Variants in KLHDC1 observed in about 807,000 individuals in gnomAD.
KLHDC1 encodes kelch domain-containing protein 1.
Under a neutral mutation model 68.3 loss-of-function variants are expected in KLHDC1, and 53 were observed. The observed-to-expected ratio is 0.78, with a 90% confidence interval of 0.62 to 0.98. The LOEUF (loss-of-function observed/expected upper bound fraction) is 0.98, where lower values mean the gene tolerates loss of function less well. Among genes scored for constraint, KLHDC1 ranks in the 50% least tolerant of loss-of-function variants. The pLI is 0.00. For missense variants in KLHDC1, 470 were observed against 492.3 expected (o/e 0.95, Z 0.43); for synonymous variants, 148 against 159.0 (o/e 0.93, Z 0.52).
At position 49,724,463 on chromosome 14, in the gene KLHDC1, A is replaced by G. The variant is rs1888615276; in HGVS notation, c.483+511A>G. ...TTTTAAACAGATAATTTAAAAAACCATTGATCCTACCACCAAGATGCAGTC... is the reference window on the plus strand; with the variant it reads ...TTTTAAACAGATAATTTAAAAAACCGTTGATCCTACCACCAAGATGCAGTC... On this transcript the variant is annotated intron_variant, in intron 5 of 12. Transcript: ENST00000359332. Among the ~76,000 whole-genome samples, 7 of 152,220 alleles carry G rather than the reference A, an allele frequency of 4.6e-5. No homozygotes were observed. The South Asian group carries it at 1.5e-3, about 32-fold the overall frequency.
intron 10 of KLHDC1, among the ~76,000 whole-genome samples, chr14:49,736,129 C>G (rs1375431302): frequency 3.3e-5 from 5 of 152,118 alleles, no homozygotes; most frequent in Non-Finnish European, 7.4e-5. Context: ...GCATTATAGA[C>G]CAAAGTATTA....
chr14:49,704,437 C>A (rs7161559), intron 1 of KLHDC1, among the ~76,000 whole-genome samples: 127,685 of 134,416 alleles, frequency 0.95, 61,071 homozygotes, highest in East Asian at 1. Context: ...TTTGTCGCCC[C>A]GGCTGGAGTG....
chr14:49,728,833 TA>T, intron 6 of KLHDC1, 92 bp from the exon 7 acceptor site: 1 of 876,184 alleles, frequency 1.1e-6, no homozygotes, highest in Non-Finnish European at 1.9e-6. Context: ...AATGATAACT[TA>T]GTGATTAAGA....
At chr14:49,748,483 A>C (rs1889249293) in intron 12 of KLHDC1, among the ~76,000 whole-genome samples, 1 of 152,142 alleles carries the variant, frequency 6.6e-6, no homozygotes, top group Non-Finnish European at 1.5e-5. Flanking sequence ...CAGGTTTGGG[A>C]GGGGAGATAA....
chr14:49,746,754 G>C lies in KLHDC1; in HGVS notation c.1034+2949G>C, dbSNP rs1415246684. 1.3e-5 allele frequency among the ~76,000 whole-genome samples: 2 copies of C among 152,128 alleles called. 1 individual carries two copies. Among genetic ancestry groups the C allele is most frequent in the African/African-American group, 4.8e-5 (2 of 41,412 alleles). On this transcript the variant is annotated intron_variant, in intron 12 of 12. Coordinates refer to ENST00000359332, the MANE Select transcript of KLHDC1 (RefSeq NM_172193.3). The stretch of plus-strand genomic sequence containing the variant: ...CAGTCCCTTTTCTTGACTGATTTTA[G>C]CATCTGTGTGGAGAACTCTTTTCAT...
At chr14:49,718,779 T>C (rs997901666) in intron 4 of KLHDC1, among the ~76,000 whole-genome samples, 7 of 133,952 alleles carry the variant, frequency 5.2e-5, no homozygotes, top group African/African-American at 1.4e-4. Flanking sequence ...CTTTTTTTTT[T>C]TTTTTTTTTT....
Position 49,728,625 on chromosome 14 carries a change from A to T in KLHDC1, c.568-301A>T, listed in dbSNP as rs977507070. ...AGAGAACATTTTAAAATTTGATTTT[A>T]AAATCTTTATACAGTATTTCAAACA... On this transcript the variant is annotated intron_variant, in intron 6 of 12. Coordinates refer to ENST00000359332, the MANE Select transcript of KLHDC1 (RefSeq NM_172193.3). Among the ~76,000 whole-genome samples, 3 of 152,236 alleles carry T rather than the reference A, an allele frequency of 2.0e-5. 1 individual carries two copies. In the South Asian group the frequency reaches 6.2e-4, roughly 31 times the overall value.
chr14:49,729,548 G>C lies in KLHDC1; in HGVS notation c.710G>C (p.Arg237Thr). The stretch of plus-strand genomic sequence containing the variant: ...CTAGACACCTGGACTTGGTCTGGAA[G>C]GTAAGTTTGAAGTCTAAGTACGTTT... ...LNLDTWTWSG[R>T]ITINGESPKH... The change falls in exon 8 of 13, where the codon AGG becomes ACG. Residue 237 changes from arginine to threonine, a missense_variant and splice_region_variant. Transcript: ENST00000359332. 6.2e-7 allele frequency: 1 copy of C among 1,600,590 alleles called. No homozygotes were observed. The highest frequency in any genetic ancestry group is 2.2e-5 in the East Asian group (1 of 44,696).
intron 1 of KLHDC1, among the ~76,000 whole-genome samples, chr14:49,694,713 A>G (rs1887682491): frequency 6.6e-6 from 1 of 152,052 alleles, no homozygotes; most frequent in Non-Finnish European, 1.5e-5. Context: ...AATTAGCCGG[A>G]CATGGTGGCG....
At chr14:49,709,031 G>T in intron 1 of KLHDC1, 128 bp from the exon 2 acceptor site, 3 of 503,352 alleles carry the variant, frequency 6.0e-6, no homozygotes, top group Non-Finnish European at 1.0e-5. Context: ...ATTTTATATT[G>T]AAAAAGATCC....
chr14:49,737,843 T>C (rs1268487022), intron 10 of KLHDC1, among the ~76,000 whole-genome samples: 2 of 125,598 alleles, frequency 1.6e-5, no homozygotes, highest in Non-Finnish European at 3.2e-5. Context: ...CCAGCCTGGG[T>C]GACAGAGCCA....
rs192724422 is a variant in KLHDC1, at chr14:49,698,584, C to T, written c.96+5294C>T. ...AGGCTGGAGTGCAGTGGCACCATCT[C>T]GGCTCACTGCAACCTCTGCCTCCTG... On this transcript the variant is annotated intron_variant, in intron 1 of 12. Coordinates refer to ENST00000359332, the MANE Select transcript of KLHDC1 (RefSeq NM_172193.3). Among the ~76,000 whole-genome samples the T allele has an allele frequency of 1.0e-2, 1,516 of 151,832 alleles. 10 individuals carry two copies. Among genetic ancestry groups the T allele is most frequent in the Middle Eastern group, 0.02 (6 of 294 alleles).
intron 11 of KLHDC1, among the ~76,000 whole-genome samples, chr14:49,741,842 T>C (rs2139766637): frequency 6.6e-6 from 1 of 152,190 alleles, no homozygotes; most frequent in East Asian, 1.9e-4. Flanking sequence ...TGTGGTTTTG[T>C]GTAGGACACT....
chr14:49,750,078 A>C lies in KLHDC1; in HGVS notation c.1035-1508A>C, dbSNP rs117393710. On this transcript the variant is annotated intron_variant, in intron 12 of 12. Coordinates refer to ENST00000359332, the MANE Select transcript of KLHDC1 (RefSeq NM_172193.3). ...CCATCTCAGGAAAAAAAAATTAGTC[A>C]TGAAATATTCTTATATATTACTATG... Among the ~76,000 whole-genome samples, 145 of 152,300 alleles carry C rather than the reference A, an allele frequency of 9.5e-4. 3 individuals carry two copies. The East Asian group carries it at 0.024, about 25-fold the overall frequency.
chr14:49,722,106 G>A (rs981225742), intron 4 of KLHDC1, among the ~76,000 whole-genome samples: 16 of 152,108 alleles, frequency 1.1e-4, no homozygotes, highest in African/African-American at 3.9e-4. Flanking sequence ...GTTAAATTCC[G>A]TCTATGGCTG....
intron 8 of KLHDC1, among the ~76,000 whole-genome samples, chr14:49,731,937 A>G (rs529904290): frequency 6.6e-6 from 1 of 152,296 alleles, no homozygotes; most frequent in South Asian, 2.1e-4. Context: ...TAGAATAGCT[A>G]GCATTTTCAG....
rs759552766 is a variant in KLHDC1 at position 49,728,939 on chromosome 14, C to T, written c.581C>T (p.Pro194Leu). Reference protein sequence around the residue: ...FQPEIKGGVPPQPRAAHTCAV... With the variant: ...FQPEIKGGVPLQPRAAHTCAV... ...TTCTACTTGCAGGGTGGAGTTCCAC[C>T]ACAGCCACGAGCCGCGCATACATGT... Residue 194 changes from proline to leucine, a missense_variant, in exon 7 of 13, where the codon CCA (proline) becomes CTA (leucine). Coordinates refer to ENST00000359332, the MANE Select transcript of KLHDC1 (RefSeq NM_172193.3). 1.2e-6 allele frequency: 2 copies of T among 1,612,946 alleles called. No individual in the cohort carries two copies.
At chr14:49,736,848 T>G (rs1888941280) in intron 10 of KLHDC1, among the ~76,000 whole-genome samples, 1 of 152,228 alleles carries the variant, frequency 6.6e-6, no homozygotes, top group African/African-American at 2.4e-5. Context: ...CCATATACTG[T>G]GAAATGCCTC....
chr14:49,735,686 A>T (rs1159456227), intron 10 of KLHDC1, among the ~76,000 whole-genome samples: 1 of 151,916 alleles, frequency 6.6e-6, no homozygotes, highest in Non-Finnish European at 1.5e-5. Flanking sequence ...GCTACTACCT[A>T]CTTTTTTGGC....
Sources: allele counts gnomAD v4.1 joint callset (sites outside exome capture counted in the v4.1 genomes callset), GRCh38; gene constraint gnomAD v4.1.1; transcripts MANE v1.5; gene names NCBI Gene and HGNC (gene_info 2026-07-23, HGNC 2026-07-21).